Variants in JADE3 observed in about 807,000 individuals in gnomAD.
The protein encoded by JADE3 is jade family PHD finger 3.
JADE3 carries 2 observed loss-of-function variants against 50.1 expected under a neutral mutation model. The ratio of observed to expected loss-of-function variants is 0.04; its 90% CI spans 0.02 to 0.13. The LOEUF is 0.13. Among genes scored for constraint, JADE3 ranks in the 10% least tolerant of loss-of-function variants. The pLI is 1.00. For synonymous variants in JADE3, 218 were observed against 232.9 expected, an observed-to-expected ratio of 0.94 and a Z score of 0.58; for missense variants, 475 against 634.4, an observed-to-expected ratio of 0.75 and a Z score of 2.70.
chrX:46,991,585 G>A (rs781797069), intron 3 of JADE3, among the ~76,000 whole-genome samples: 2 of 111,564 alleles, frequency 1.8e-5, no homozygotes, highest in African/African-American at 3.3e-5. Context: ...GAGTGGAATT[G>A]TTGGGTCATA....
At chrX:46,938,191 A>G (rs1361151290) in intron 1 of JADE3, among the ~76,000 whole-genome samples, 1 of 111,518 alleles carries the variant, frequency 9.0e-6, no homozygotes, top group Non-Finnish European at 1.9e-5. Flanking sequence ...GTAATTATTG[A>G]TATGATTGTT....
rs782000626 is a variant in JADE3, at chrX:46,970,077, AAGAG to A, written c.-11-14803_-11-14800del. Among the ~76,000 whole-genome samples, 72 of 112,451 alleles carry A rather than the reference AAGAG, an allele frequency of 6.4e-4. No homozygotes were observed. In the South Asian group the frequency reaches 0.024, roughly 38 times the overall value. On this transcript the variant is annotated intron_variant, in intron 1 of 10. Transcript: ENST00000614628. The stretch of plus-strand genomic sequence containing the variant: ...TCCATCTAAAAACTGGTTCTTCCAA[AAGAG>A]AGATTCTGACTTAATTGGTAATGGG...
At chrX:47,050,064 C>G (rs1236689643) in intron 8 of JADE3, among the ~76,000 whole-genome samples, 1 of 109,255 alleles carries the variant, frequency 9.2e-6, no homozygotes, top group African/African-American at 3.3e-5. Flanking sequence ...CCTCAGCCTT[C>G]CGAGTACCAC....
chrX:46,941,626 G>GT (rs1926761145), intron 1 of JADE3, among the ~76,000 whole-genome samples: 1 of 111,403 alleles, frequency 9.0e-6, no homozygotes. Context: ...TCTCATTGTG[G>GT]TTTTGATTTG....
intron 1 of JADE3, among the ~76,000 whole-genome samples, chrX:46,943,913 A>G (rs1187499656): frequency 9.0e-6 from 1 of 110,968 alleles, no homozygotes; most frequent in Non-Finnish European, 1.9e-5. Context: ...TAGGGTTTAA[A>G]TTTCTTCATG....
intron 1 of JADE3, among the ~76,000 whole-genome samples, chrX:46,913,915 C>T (rs1556335758): frequency 9.1e-6 from 1 of 110,246 alleles, no homozygotes; most frequent in East Asian, 2.8e-4. Context: ...CCGTGAGGTG[C>T]GTTTATCTAT....
intron 3 of JADE3, among the ~76,000 whole-genome samples, chrX:46,991,194 C>T (rs1927998280): frequency 9.5e-6 from 1 of 105,111 alleles, no homozygotes; most frequent in South Asian, 4.5e-4. Flanking sequence ...AAGCGATTCT[C>T]CTGTCTCAGC....
At chrX:46,928,706 C>G (rs1465614781) in intron 1 of JADE3, among the ~76,000 whole-genome samples, 1 of 111,789 alleles carries the variant, frequency 8.9e-6, no homozygotes, top group Non-Finnish European at 1.9e-5. Context: ...ACCTCAGCTT[C>G]CTGAGTAGCT....
intron 7 of JADE3, among the ~76,000 whole-genome samples, chrX:47,034,489 C>A (rs1276586493): frequency 1.8e-5 from 2 of 111,915 alleles, no homozygotes; most frequent in African/African-American, 3.2e-5. Context: ...CTGATTTATT[C>A]ATTTTCCTTT....
At chrX:47,045,066 G>A (rs1383709901) in intron 8 of JADE3, among the ~76,000 whole-genome samples, 1 of 111,204 alleles carries the variant, frequency 9.0e-6, no homozygotes, top group Non-Finnish European at 1.9e-5. Context: ...TAAAATGGCA[G>A]GAATAAGTCC....
At chrX:47,004,065 ACAAGT>A (rs1253285836) in intron 4 of JADE3, among the ~76,000 whole-genome samples, 1 of 108,293 alleles carries the variant, frequency 9.2e-6, no homozygotes, top group Non-Finnish European at 1.9e-5. Context: ...AGCTGGGATT[ACAAGT>A]GTTCATCGCC....
In JADE3 at chrX:47,024,919, GTTCTT is replaced by G; in HGVS notation, c.475+10_475+14del. 9.2e-7 allele frequency: 1 copy of G among 1,088,828 alleles called. No individual in the cohort carries two copies. Among genetic ancestry groups the G allele is most frequent in the Non-Finnish European group, 1.3e-6 (1 of 794,943 alleles). The allele number at this position is 1,088,828 out of a possible 1,213,427, so 89.7% of individuals were successfully genotyped here. On this transcript the variant is annotated splice_donor_region_variant and intron_variant, in intron 5 of 10. Coordinates refer to ENST00000614628, the MANE Select transcript of JADE3 (RefSeq NM_014735.5). ...ATGAAGACCTTGCAGAAATGGGTAA[GTTCTT>G]TTCTCACAAGTAAGTTGTGACTTAA...
intron 1 of JADE3, among the ~76,000 whole-genome samples, chrX:46,956,718 T>C (rs916443665): frequency 2.7e-5 from 3 of 109,170 alleles, no homozygotes; most frequent in Admixed American, 9.7e-5. Flanking sequence ...TCCTTTCCTT[T>C]CTTTCTTTCC....
At chrX:47,022,455 T>C (rs1018707404) in intron 4 of JADE3, among the ~76,000 whole-genome samples, 2 of 112,169 alleles carry the variant, frequency 1.8e-5, no homozygotes, top group East Asian at 2.8e-4. Flanking sequence ...TTCAGGTTCA[T>C]TATTTGGAAT....
At chrX:46,935,489 T>C (rs1456182240) in intron 1 of JADE3, among the ~76,000 whole-genome samples, 1 of 110,395 alleles carries the variant, frequency 9.1e-6, no homozygotes, top group African/African-American at 3.3e-5. Flanking sequence ...AGGTGAACAG[T>C]GGGCAAGCAA....
At position 47,059,071 on chromosome X, in the gene JADE3, A is replaced by G; in HGVS notation, c.2466A>G (p.Gln822=). The change falls in exon 11 of 11, where the codon CAA becomes CAG. Residue 822 remains glutamine (Q), a synonymous_variant. Coordinates refer to ENST00000614628, the MANE Select transcript of JADE3 (RefSeq NM_014735.5). ...KTHPLSHSSM[Q]R ...ATCCCCTTTCCCACAGTTCAATGCA[A>G]AGGTGATTAGAAACTTCCAAGGATG... 8.5e-7 allele frequency: 1 copy of G among 1,179,683 alleles called. No individual in the cohort carries two copies.
intron 6 of JADE3, among the ~76,000 whole-genome samples, chrX:47,033,204 C>T (rs988680515): frequency 9.2e-4 from 103 of 112,206 alleles, no homozygotes; most frequent in African/African-American, 3.1e-3. Flanking sequence ...GTTTCATTCT[C>T]TTTATTTTCT....
intron 1 of JADE3, among the ~76,000 whole-genome samples, chrX:46,933,328 C>T (rs782701113): frequency 9.0e-6 from 1 of 111,626 alleles, no homozygotes; most frequent in Admixed American, 9.6e-5. Flanking sequence ...ACCCAAAGAA[C>T]TAAAAATGGA....
intron 8 of JADE3, among the ~76,000 whole-genome samples, chrX:47,047,411 G>C (rs782657811): frequency 9.0e-6 from 1 of 110,906 alleles, no homozygotes; most frequent in East Asian, 2.8e-4. Flanking sequence ...GTTGGGCATG[G>C]TGGCATGTGC....
Sources: allele counts gnomAD v4.1 joint callset (sites outside exome capture counted in the v4.1 genomes callset), GRCh38; gene constraint gnomAD v4.1.1; transcripts MANE v1.5; gene names NCBI Gene and HGNC (gene_info 2026-07-23, HGNC 2026-07-21).